Variants in IMPDH1 observed in about 807,000 individuals in gnomAD.
The protein encoded by IMPDH1 is inosine-5'-monophosphate dehydrogenase 1.
IMPDH1 carries 41 observed loss-of-function variants against 73.5 expected under a neutral mutation model. That is an observed-to-expected ratio of 0.56 (90% CI 0.43 to 0.72). The LOEUF (loss-of-function observed/expected upper bound fraction) is 0.72. Ranked by LOEUF, IMPDH1 falls within the 30% of genes least tolerant of loss-of-function variation. The pLI, the probability that IMPDH1 is intolerant of heterozygous loss-of-function variation, is 0.00. For missense variants in IMPDH1, 645 were observed against 824.8 expected (o/e 0.78, Z 2.67); for synonymous variants, 318 against 334.3 (o/e 0.95, Z 0.53).
rs1376699626 is a variant in IMPDH1 at position 128,405,769 on chromosome 7, G to A, written c.351C>T (p.Tyr117=). ...GGGGTACGAGACCCGGCGCTTACTT[G>A]TAGGTGAGGCCGTCGGCGCTGGCGA... is the stretch of plus-strand genomic sequence containing the variant. The part of the protein sequence containing the change: ...QLFASADGLT[Y]NDFLILPGFI... The change falls in exon 4 of 17, where the codon TAC becomes TAT. Residue 117 remains tyrosine (Y), a splice_region_variant and synonymous_variant. Transcript: ENST00000338791. 1.1e-5 allele frequency: 17 copies of A among 1,537,558 alleles called. No homozygotes were observed. The highest frequency in any genetic ancestry group is 1.5e-5 in the Non-Finnish European group (17 of 1,142,806).
At chr7:128,409,242 A>G in intron 3 of IMPDH1, 47 bp downstream of exon 3, 1 of 1,543,230 alleles carries the variant, frequency 6.5e-7, no homozygotes. Context: ...CTGCACTGGC[A>G]GCCTCTCAGA....
chr7:128,404,502 T>A (rs1798568222), intron 4 of IMPDH1, among the ~76,000 whole-genome samples: 1 of 152,030 alleles, frequency 6.6e-6, no homozygotes, highest in Non-Finnish European at 1.5e-5. Flanking sequence ...CCCAACCTGC[T>A]AAAATCACAG....
At chr7:128,399,965 C>G in intron 9 of IMPDH1, 130 bp downstream of exon 9, 1 of 798,040 alleles carries the variant, frequency 1.3e-6, no homozygotes, top group Non-Finnish European at 2.2e-6. Flanking sequence ...TCTGGCCTGC[C>G]TGAGGTTATT....
At chr7:128,408,302 A>T (rs1584758292) in intron 3 of IMPDH1, among the ~76,000 whole-genome samples, 1 of 152,312 alleles carries the variant, frequency 6.6e-6, no homozygotes, top group East Asian at 1.9e-4. Context: ...AGATTTCAAA[A>T]CACTCTTGAG....
chr7:128,407,118 T>C (rs1313638025), intron 3 of IMPDH1, among the ~76,000 whole-genome samples: 1 of 152,212 alleles, frequency 6.6e-6, no homozygotes, highest in Non-Finnish European at 1.5e-5. Context: ...CTCCTCCCTG[T>C]GTCCTCCTGT....
In IMPDH1 at chr7:128,400,797, G is replaced by C. The variant is rs1292279209; in HGVS notation, c.579+20C>G. ...GGGACTGCCAGGTGGCATCTTGCTGGGGACAGGCCTGGTACTTGCCTTGAC... is the reference window on the plus strand; with the variant it reads ...GGGACTGCCAGGTGGCATCTTGCTGCGGACAGGCCTGGTACTTGCCTTGAC... On this transcript the variant is annotated intron_variant, in intron 7 of 16. Coordinates refer to ENST00000338791, the MANE Select transcript of IMPDH1 (RefSeq NM_000883.4). 6.2e-7 allele frequency: 1 copy of C among 1,611,034 alleles called. No individual in the cohort carries two copies. The highest frequency in any genetic ancestry group is 8.5e-7 in the Non-Finnish European group (1 of 1,177,556).
Position 128,405,181 on chromosome 7 carries a change from G to A in IMPDH1, c.353+586C>T, listed in dbSNP as rs184039062. On this transcript the variant is annotated intron_variant, in intron 4 of 16. Coordinates refer to ENST00000338791, the MANE Select transcript of IMPDH1 (RefSeq NM_000883.4). ...GCCAGAGGCAGACGGGTGGGTCTGT[G>A]TCCTCCTCCAAAACCCCATGTAGGG... is the stretch of plus-strand genomic sequence containing the variant. Among the ~76,000 whole-genome samples, 160 of 152,360 alleles carry A rather than the reference G, an allele frequency of 1.1e-3. 1 individual carries two copies. Among genetic ancestry groups the A allele is most frequent in the Non-Finnish European group, 2.0e-3 (138 of 68,042 alleles).
intron 4 of IMPDH1, 69 bp downstream of exon 4, chr7:128,405,698 G>T: frequency 6.7e-7 from 1 of 1,496,282 alleles, no homozygotes; most frequent in East Asian, 2.8e-5. Flanking sequence ...AGCCGCGCAC[G>T]TGCAGGGCCG....
At chr7:128,407,259 G>A (rs1023373386) in intron 3 of IMPDH1, among the ~76,000 whole-genome samples, 1 of 152,224 alleles carries the variant, frequency 6.6e-6, no homozygotes, top group Non-Finnish European at 1.5e-5. Context: ...TGGCAGCTAG[G>A]CCCAGGGGAG....
chr7:128,393,174 G>A (rs1797654324), intron 16 of IMPDH1, 146 bp from the exon 17 acceptor site: 1 of 876,314 alleles, frequency 1.1e-6, no homozygotes, highest in Non-Finnish European at 1.9e-6. Context: ...CAGGAGGAGG[G>A]CCTGGAGCAG....
chr7:128,400,091 G>A lies in IMPDH1; in HGVS notation c.874+4C>T. On this transcript the variant is annotated splice_donor_region_variant and intron_variant, in intron 9 of 16. Coordinates refer to ENST00000338791, the MANE Select transcript of IMPDH1 (RefSeq NM_000883.4). ...GGTTGAGTTTTCAACTAGCTCCCTG[G>A]TACCTTTCTTGCTACGCTGCAGGAT... 6.2e-7 allele frequency: 1 copy of A among 1,607,242 alleles called. No homozygotes were observed. Among genetic ancestry groups the A allele is most frequent in the Non-Finnish European group, 8.5e-7 (1 of 1,175,982 alleles).
intron 4 of IMPDH1, among the ~76,000 whole-genome samples, chr7:128,405,074 C>A (rs1239335957): frequency 1.3e-5 from 2 of 152,342 alleles, no homozygotes; most frequent in East Asian, 1.9e-4. Flanking sequence ...GGGGCACAGT[C>A]CTGCAGCCAG....
Position 128,400,416 on chromosome 7 carries a change from T to C in IMPDH1, c.703A>G (p.Met235Val). The C allele has an allele frequency of 6.2e-7, 1 of 1,612,460 alleles. No individual in the cohort carries two copies. The highest frequency in any genetic ancestry group is 1.7e-5 in the Admixed American group (1 of 59,970). Residue 235 changes from methionine to valine, a missense_variant, in exon 8 of 17, where the codon ATG (methionine) becomes GTG (valine). Around this residue, in one of 2 missense-constraint regions of IMPDH1, gnomAD observed 459 missense variants for 638.2 expected, o/e 0.72. Coordinates refer to ENST00000338791, the MANE Select transcript of IMPDH1 (RefSeq NM_000883.4). Reference sequence around the variant, plus strand: ...ACGATGCCCACCAGCTTGCTGCCCATGGTGCCCGTCTCAGTGATGGGGATG... The same window carrying C: ...ACGATGCCCACCAGCTTGCTGCCCACGGTGCCCGTCTCAGTGATGGGGATG... ...SGIPITETGT[M>V]GSKLVGIVTS...
chr7:128,409,228 T>C, intron 3 of IMPDH1, 61 bp downstream of exon 3: 1 of 1,451,736 alleles, frequency 6.9e-7, no homozygotes, highest in East Asian at 2.4e-5. Flanking sequence ...GACCTTGAGG[T>C]GAGCTGCACT....
At position 128,398,340 on chromosome 7, in the gene IMPDH1, A is replaced by T. The variant is rs1798072444; in HGVS notation, c.1074+74T>A. On this transcript the variant is annotated intron_variant, in intron 10 of 16. Transcript: ENST00000338791. The surrounding 1 kb of genome is among the most constrained non-coding windows in gnomAD (Gnocchi z 4.3). ...GGGGCACAGGCTTAATCAGAGGTGA[A>T]CCTGGGTCCTCATAAACCTCCACTC... The T allele has an allele frequency of 8.2e-7, 1 of 1,222,972 alleles. No individual in the cohort carries two copies. Among genetic ancestry groups the T allele is most frequent in the Admixed American group, 1.7e-5 (1 of 58,456 alleles). The allele number at this position is 1,222,972 out of a possible 1,614,324, so 75.8% of individuals were successfully genotyped here.
In IMPDH1 at chr7:128,400,858, A is replaced by G; in HGVS notation, c.538T>C (p.Cys180Arg). 1.9e-6 allele frequency: 3 copies of G among 1,614,204 alleles called. No individual in the cohort carries two copies. The highest frequency in any genetic ancestry group is 2.5e-6 in the Non-Finnish European group (3 of 1,180,016). ...TCGTTGGCCTGGAACTCTGGGGTGC[A>G]GTTGTGGTGAATGAAACCAATACCT... is the stretch of plus-strand genomic sequence containing the variant. ...MGGIGFIHHN[C>R]TPEFQANEVR... is the part of the protein sequence containing the mutation. The change falls in exon 7 of 17, where the codon TGC becomes CGC. Residue 180 changes from cysteine (C) to arginine (R), a missense_variant. By Grantham distance (180) the Cys-to-Arg change is radical. Coordinates refer to ENST00000338791, the MANE Select transcript of IMPDH1 (RefSeq NM_000883.4).
In IMPDH1 at chr7:128,394,860, TGCCCAGGTGGG is replaced by T; in HGVS notation, c.1550+18_1550+28del. ...GGCCCTGAAGGGTTGTGGGCTGATC[TGCCCAGGTGGG>T]GCCCAGGGTCAGGGAACCTGAAGTA... On this transcript the variant is annotated intron_variant, in intron 14 of 16. Transcript: ENST00000338791. This position sits in a 1 kb window ranked among gnomAD's most constrained non-coding sequence, Gnocchi z 5.5. The T allele has an allele frequency of 6.2e-7, 1 of 1,610,184 alleles. No individual in the cohort carries two copies. The highest frequency in any genetic ancestry group is 1.1e-5 in the South Asian group (1 of 90,994).
chr7:128,393,877 G>A (rs1339301060), intron 16 of IMPDH1: 9 of 336,316 alleles, frequency 2.7e-5, no homozygotes, highest in Middle Eastern at 2.0e-3. Context: ...TTGCCCCAGC[G>A]CTGGCCCTGG....
At chr7:128,397,338 A>G (rs1179441973) in intron 10 of IMPDH1, among the ~76,000 whole-genome samples, 1 of 151,998 alleles carries the variant, frequency 6.6e-6, no homozygotes, top group African/African-American at 2.4e-5. Context: ...GTTCCCACCA[A>G]CTCACTAACC....
Sources: gnomAD v4.1 joint callset for allele counts (sites outside exome capture counted in the v4.1 genomes callset) on GRCh38, gnomAD v4.1.1 for gene constraint, gnomAD v4.1.1 regional missense constraint, Gnocchi (gnomAD v3.1) non-coding constraint, MANE v1.5 for transcripts, NCBI Gene and HGNC (gene_info 2026-07-23, HGNC 2026-07-21) for gene names.